Variants in UHRF1 observed in about 807,000 individuals in gnomAD.
The protein encoded by UHRF1 is ubiquitin like with PHD and ring finger domains 1, also known as E3 ubiquitin-protein ligase UHRF1.
In UHRF1, 9 loss-of-function variants were observed where a neutral mutation model predicts 96.5. The observed-to-expected ratio is 0.09, with a 90% CI of 0.06 to 0.16. UHRF1 has a LOEUF of 0.16. UHRF1 is among the 10% of genes least tolerant of loss of function. The pLI is 1.00. For synonymous variants in UHRF1, 455 were observed against 469.9 expected (o/e 0.97, Z 0.41); for missense variants, 626 against 1,131.1 (o/e 0.55, Z 6.40).
chr19:4,923,719 G>A (rs2032776797), intron 2 of UHRF1, among the ~76,000 whole-genome samples: 1 of 152,206 alleles, frequency 6.6e-6, no homozygotes, highest in Non-Finnish European at 1.5e-5. Context: ...GGATGTCTGG[G>A]GACATTCATG....
At position 4,929,218 on chromosome 19, in the gene UHRF1, G is replaced by C; in HGVS notation, c.154-4G>C. ...AACAGCGTCTGCCTCTGGTGTCCCTGCAGATGGAGGACGGCCATACCCTCT... is the reference window on the plus strand; with the variant it reads ...AACAGCGTCTGCCTCTGGTGTCCCTCCAGATGGAGGACGGCCATACCCTCT... On this transcript the variant is annotated splice_polypyrimidine_tract_variant and splice_region_variant and intron_variant, in intron 2 of 16. Transcript: ENST00000650932. 1 of 1,609,008 alleles carries C rather than the reference G, an allele frequency of 6.2e-7. No individual in the cohort carries two copies. Among genetic ancestry groups the C allele is most frequent in the East Asian group, 2.2e-5 (1 of 44,746 alleles).
intron 2 of UHRF1, among the ~76,000 whole-genome samples, chr19:4,922,868 A>C (rs924721913): frequency 1.3e-5 from 2 of 152,086 alleles, no homozygotes; most frequent in African/African-American, 2.4e-5. Flanking sequence ...TGTCCCTCCT[A>C]CGTAGCCCAC....
At chr19:4,950,507 G>A (rs2033687517) in intron 11 of UHRF1, 104 bp from the exon 12 acceptor site, 3 of 1,284,190 alleles carry the variant, frequency 2.3e-6, no homozygotes, top group East Asian at 2.5e-5. Flanking sequence ...GCCTCCCAAA[G>A]TGCTGGGATT....
chr19:4,952,592 C>A (rs1312303918), intron 13 of UHRF1, among the ~76,000 whole-genome samples: 1 of 151,476 alleles, frequency 6.6e-6, no homozygotes, highest in Non-Finnish European at 1.5e-5. Flanking sequence ...GGGGTTTCGC[C>A]ATGTTGGCCA....
At chr19:4,946,089 T>A in intron 10 of UHRF1, 124 bp downstream of exon 10, 4 of 680,092 alleles carry the variant, frequency 5.9e-6, no homozygotes, top group Non-Finnish European at 9.9e-6. Context: ...TGGCGTGAAG[T>A]ATATTCCCAT....
intron 15 of UHRF1, 147 bp from the exon 16 acceptor site, chr19:4,956,562 G>A (rs1395759938): frequency 7.8e-6 from 5 of 642,830 alleles, no homozygotes; most frequent in Non-Finnish European, 1.4e-5. Context: ...GTTTTTCTCA[G>A]AACGGGGACG....
chr19:4,933,088 C>G, intron 5 of UHRF1, 132 bp downstream of exon 5: 1 of 999,510 alleles, frequency 1.0e-6, no homozygotes, highest in South Asian at 1.6e-5. Flanking sequence ...GGCCTTCCTG[C>G]CTCCCCTCTG....
intron 5 of UHRF1, among the ~76,000 whole-genome samples, chr19:4,936,078 T>C (rs952347765): frequency 6.6e-6 from 1 of 152,154 alleles, no homozygotes; most frequent in Admixed American, 6.6e-5. Context: ...TCATTCATGC[T>C]TGTGTCCCGA....
At chr19:4,929,026 GAGGGA>G (rs1474104479) in intron 2 of UHRF1, among the ~76,000 whole-genome samples, 191 bp from the exon 3 acceptor site, 5 of 152,250 alleles carry the variant, frequency 3.3e-5, no homozygotes, top group Admixed American at 1.3e-4. Flanking sequence ...CTGAGACCCT[GAGGGA>G]AGGGACTGGG....
rs11341952 is a variant in UHRF1 at position 4,913,807 on chromosome 19, CTTTTTTTTTTTT to C, written c.153+2780_153+2791del. 3.6e-5 allele frequency among the ~76,000 whole-genome samples: 4 copies of C among 110,136 alleles called. No individual in the cohort carries two copies. In the East Asian group the frequency reaches 1.0e-3, roughly 27 times the overall value. 72.3% of individuals were successfully genotyped at this position (110,136 alleles called of 152,430 possible). ...CCTGTGGCTGTTTCCCATGCAGTAG[CTTTTTTTTTTTT>C]TTTTTTTTTTGGAGACAGTTTCGCT... On this transcript the variant is annotated intron_variant, in intron 2 of 16. Coordinates refer to ENST00000650932, the MANE Select transcript of UHRF1 (RefSeq NM_001048201.3).
chr19:4,909,424 A>C, upstream of UHRF1: 1 of 651,486 alleles, frequency 1.5e-6, no homozygotes, highest in African/African-American at 1.9e-5. Context: ...GCCAATCAGG[A>C]GGCAGGCGCC....
chr19:4,923,896 C>T (rs2032782699), intron 2 of UHRF1, among the ~76,000 whole-genome samples: 1 of 152,198 alleles, frequency 6.6e-6, no homozygotes, highest in Non-Finnish European at 1.5e-5. Context: ...AGATGAGTGC[C>T]CCATCCATCC....
intron 2 of UHRF1, among the ~76,000 whole-genome samples, chr19:4,927,784 G>T (rs533914604): frequency 6.6e-6 from 1 of 152,086 alleles, no homozygotes; most frequent in Non-Finnish European, 1.5e-5. Flanking sequence ...CCCAGAGGGG[G>T]AGACCCAGCC....
intron 2 of UHRF1, among the ~76,000 whole-genome samples, chr19:4,922,192 C>G (rs1474360610): frequency 6.6e-6 from 1 of 152,080 alleles, no homozygotes; most frequent in Non-Finnish European, 1.5e-5. Flanking sequence ...AGTGATCTGC[C>G]TGCCTCGGCC....
At chr19:4,917,097 A>G (rs1599245089) in intron 2 of UHRF1, among the ~76,000 whole-genome samples, 1 of 116,860 alleles carries the variant, frequency 8.6e-6, no homozygotes, top group African/African-American at 3.2e-5. Flanking sequence ...GTGAGCTTTT[A>G]GTCTTAAGTT....
intron 4 of UHRF1, among the ~76,000 whole-genome samples, chr19:4,931,984 G>A (rs751817289): frequency 3.3e-5 from 5 of 151,952 alleles, no homozygotes; most frequent in Non-Finnish European, 7.4e-5. Context: ...CCAGGCTGGC[G>A]TCAATGGCGC....
chr19:4,933,340 C>T lies in UHRF1; in HGVS notation c.785+384C>T, dbSNP rs150327293. Among the ~76,000 whole-genome samples, 1,029 of 152,226 alleles carry T rather than the reference C, an allele frequency of 6.8e-3. 13 individuals are homozygous for T. Among genetic ancestry groups the T allele is most frequent in the African/African-American group, 0.023 (950 of 41,550 alleles). ...ATGCCATTCTCCTGCCTCAGCCTCC[C>T]GAGTAGCTGGGACTACAGGCGTCTA... On this transcript the variant is annotated intron_variant, in intron 5 of 16. Coordinates refer to ENST00000650932, the MANE Select transcript of UHRF1 (RefSeq NM_001048201.3).
At chr19:4,905,506 A>ATTAT (rs530528534), upstream of UHRF1, among the ~76,000 whole-genome samples, 172 of 149,558 alleles carry the variant, frequency 1.2e-3, no homozygotes, top group African/African-American at 2.8e-3. Context: ...AGTGTATTTT[A>ATTAT]TTATTTATTT....
rs2033975716 is a variant in UHRF1 at position 4,961,058 on chromosome 19, C to A, written c.*255C>A. ...TTGAAAACATAAAAGCCTGCAATTT[C>A]TCGACAAAACAACACAAGATTTTTT... On this transcript the variant is annotated 3_prime_UTR_variant, in exon 17 of 17. Coordinates refer to ENST00000650932, the MANE Select transcript of UHRF1 (RefSeq NM_001048201.3). 7.3e-6 allele frequency: 1 copy of A among 136,526 alleles called. No individual in the cohort carries two copies. Among genetic ancestry groups the A allele is most frequent in the African/African-American group, 6.9e-5 (1 of 14,406 alleles). The allele number at this position is 136,526 out of a possible 1,614,324, so 8.5% of individuals were successfully genotyped here.
Sources: allele counts gnomAD v4.1 joint callset (sites outside exome capture counted in the v4.1 genomes callset), GRCh38; gene constraint gnomAD v4.1.1; transcripts MANE v1.5; gene names NCBI Gene and HGNC (gene_info 2026-07-23, HGNC 2026-07-21).